PRORP: variants seen among roughly 807,000 people sequenced by gnomAD.
PRORP encodes the protein mitochondrial ribonuclease P catalytic subunit.
PRORP carries 51 observed loss-of-function variants against 59.4 expected under a neutral mutation model. The observed-to-expected ratio is 0.86, with a 90% confidence interval of 0.69 to 1.08. PRORP has a LOEUF of 1.08. Ranked by LOEUF, PRORP falls within the 50% of genes least tolerant of loss-of-function variation. The pLI, the probability that PRORP is intolerant of heterozygous loss-of-function variation, is 0.00. For missense variants in PRORP, 646 were observed against 690.3 expected (o/e 0.94, Z 0.72); for synonymous variants, 231 against 245.6 (o/e 0.94, Z 0.55).
intron 5 of PRORP, among the ~76,000 whole-genome samples, chr14:35,264,040 A>G (rs1385483217): frequency 6.6e-6 from 1 of 151,982 alleles, no homozygotes; most frequent in African/African-American, 2.4e-5. Flanking sequence ...TCCTCAAGCA[A>G]TCCTCCTGCC....
chr14:35,180,083 G>A (rs1482587588), intron 4 of PRORP, among the ~76,000 whole-genome samples: 1 of 152,172 alleles, frequency 6.6e-6, no homozygotes, highest in Non-Finnish European at 1.5e-5. Flanking sequence ...CTGCCTGATC[G>A]TTCCTCTAGA....
At chr14:35,163,280 T>A (rs1029429619) in intron 4 of PRORP, among the ~76,000 whole-genome samples, 3 of 150,896 alleles carry the variant, frequency 2.0e-5, no homozygotes, top group South Asian at 2.1e-4. Context: ...TGAAAAAAAA[T>A]GTATACATAA....
In PRORP at chr14:35,244,699, A is replaced by G. The variant is rs138880540; in HGVS notation, c.1276-22028A>G. On this transcript the variant is annotated intron_variant, in intron 5 of 7. Coordinates refer to ENST00000534898, the MANE Select transcript of PRORP (RefSeq NM_014672.4). ...AATATAAATGTGTAGTTTAAAGAGT[A>G]ATAATAAAACTAACACCTTTGTACC... Among the ~76,000 whole-genome samples, 68 of 152,314 alleles carry G rather than the reference A, an allele frequency of 4.5e-4. No homozygotes were observed. In the East Asian group the frequency reaches 0.012, roughly 28 times the overall value.
At chr14:35,217,327 C>T (rs574558211) in intron 5 of PRORP, among the ~76,000 whole-genome samples, 11 of 151,914 alleles carry the variant, frequency 7.2e-5, no homozygotes, top group Admixed American at 6.6e-4. Context: ...ATGGTGAAAC[C>T]CCATCTCTAC....
At chr14:35,143,388 C>T (rs1315424269) in intron 4 of PRORP, among the ~76,000 whole-genome samples, 1 of 145,422 alleles carries the variant, frequency 6.9e-6, no homozygotes, top group East Asian at 2.3e-4. Context: ...TCTCGAACTC[C>T]TGACCTCAAG....
intron 4 of PRORP, among the ~76,000 whole-genome samples, chr14:35,150,235 C>T (rs916815935): frequency 6.6e-6 from 1 of 152,230 alleles, no homozygotes; most frequent in Non-Finnish European, 1.5e-5. Flanking sequence ...CTTCCTTTCA[C>T]TTGAACACCT....
intron 4 of PRORP, among the ~76,000 whole-genome samples, chr14:35,171,766 A>G (rs2048317109): frequency 6.6e-6 from 1 of 152,066 alleles, no homozygotes; most frequent in South Asian, 2.1e-4. Context: ...CTCCTTCTAG[A>G]CTGTAATTAC....
At chr14:35,271,066 G>A (rs531635353) in intron 7 of PRORP, among the ~76,000 whole-genome samples, 4 of 150,956 alleles carry the variant, frequency 2.6e-5, no homozygotes, top group East Asian at 3.9e-4. Flanking sequence ...CAGCCTGGGC[G>A]ACAGAGCAAG....
intron 4 of PRORP, among the ~76,000 whole-genome samples, chr14:35,162,064 C>T (rs373713004): frequency 6.6e-6 from 1 of 152,060 alleles, no homozygotes; most frequent in South Asian, 2.1e-4. Flanking sequence ...TCTTCCCCTT[C>T]TCTTTTTTCT....
intron 5 of PRORP, chr14:35,219,303 C>G (rs2049708505): frequency 6.6e-6 from 1 of 152,216 alleles, no homozygotes; most frequent in South Asian, 2.1e-4. Context: ...GGCCGAGCCC[C>G]TTAGGACTCT....
chr14:35,258,386 A>G (rs2050811936), intron 5 of PRORP, among the ~76,000 whole-genome samples: 1 of 152,226 alleles, frequency 6.6e-6, no homozygotes, highest in Admixed American at 6.5e-5. Context: ...CCCCGATGGT[A>G]ATCAGAATAA....
At chr14:35,128,602 A>G (rs1166144383) in intron 4 of PRORP, among the ~76,000 whole-genome samples, 1 of 151,994 alleles carries the variant, frequency 6.6e-6, no homozygotes, top group Non-Finnish European at 1.5e-5. Flanking sequence ...CATTTCCTGT[A>G]GGTTTTCCAA....
At position 35,253,351 on chromosome 14, in the gene PRORP, GAGAGAGAA is replaced by G. The variant is rs1193281283; in HGVS notation, c.1276-13372_1276-13365del. Among the ~76,000 whole-genome samples, 56 of 144,044 alleles carry G rather than the reference GAGAGAGAA, an allele frequency of 3.9e-4. No homozygotes were observed. In the East Asian group the frequency reaches 4.6e-3, roughly 12 times the overall value. The allele number at this position is 144,044 out of a possible 152,430, so 94.5% of individuals were successfully genotyped here. A position where few individuals can be genotyped will look rare whatever the true frequency, so the allele number is the denominator to read the frequency against. The stretch of plus-strand genomic sequence containing the variant: ...TGTTTCAAAAAAAAAAAAAGAGAGA[GAGAGAGAA>G]AGAAAGAAAGAAAGAAAAGAAAGAA... On this transcript the variant is annotated intron_variant, in intron 5 of 7. Coordinates refer to ENST00000534898, the MANE Select transcript of PRORP (RefSeq NM_014672.4).
chr14:35,232,804 C>T (rs1453756593), intron 5 of PRORP, among the ~76,000 whole-genome samples: 1 of 152,142 alleles, frequency 6.6e-6, no homozygotes, highest in African/African-American at 2.4e-5. Context: ...TCCTGAGTAG[C>T]TGGGACTACA....
At chr14:35,195,508 C>T (rs2048986486) in intron 5 of PRORP, among the ~76,000 whole-genome samples, 1 of 152,120 alleles carries the variant, frequency 6.6e-6, no homozygotes, top group Admixed American at 6.5e-5. Flanking sequence ...AAATTCTCCA[C>T]TGACCAGTCA....
At chr14:35,225,150 T>G (rs1450146277) in intron 5 of PRORP, among the ~76,000 whole-genome samples, 1 of 152,166 alleles carries the variant, frequency 6.6e-6, no homozygotes, top group South Asian at 2.1e-4. Flanking sequence ...AAGAGGAACT[T>G]TATTATAGTT....
chr14:35,151,627 T>TACAC (rs1168678091), intron 4 of PRORP, among the ~76,000 whole-genome samples: 5 of 125,118 alleles, frequency 4.0e-5, no homozygotes, highest in African/African-American at 1.3e-4. Flanking sequence ...TCTGACATGC[T>TACAC]ACACACACAC....
At chr14:35,134,215 C>T (rs2047319166) in intron 4 of PRORP, among the ~76,000 whole-genome samples, 1 of 152,164 alleles carries the variant, frequency 6.6e-6, no homozygotes. Context: ...TCCCACTCTT[C>T]CCTCCCGTTT....
intron 5 of PRORP, chr14:35,235,522 C>T: frequency 1.7e-6 from 1 of 589,722 alleles, no homozygotes; most frequent in Non-Finnish European, 3.2e-6. Flanking sequence ...CCAGCTGAGC[C>T]TTCTTGTTCT....
Sources: gnomAD v4.1 joint callset for allele counts (sites outside exome capture counted in the v4.1 genomes callset) on GRCh38, gnomAD v4.1.1 for gene constraint, MANE v1.5 for transcripts, NCBI Gene and HGNC (gene_info 2026-07-23, HGNC 2026-07-21) for gene names.